Variants in KANK1 observed in about 807,000 individuals in gnomAD.
KANK1 encodes the protein KN motif and ankyrin repeat domains 1.
In KANK1, 109 loss-of-function variants were observed where a neutral mutation model predicts 106.2. The observed-to-expected ratio is 1.03, with a 90% CI of 0.88 to 1.20. KANK1 has a LOEUF of 1.20. Ranked by LOEUF, KANK1 falls within the 50% of genes most tolerant of loss-of-function variation. KANK1 has a pLI of 0.00. For synonymous variants in KANK1, 873 were observed against 652.2 expected (o/e 1.34, Z -5.16); for missense variants, 2,399 against 1,710.7 (o/e 1.40, Z -7.10).
At chr9:647,355 CTA>C (rs1563921520) in intron 1 of KANK1, among the ~76,000 whole-genome samples, 1 of 150,614 alleles carries the variant, frequency 6.6e-6, no homozygotes, top group Non-Finnish European at 1.5e-5. Flanking sequence ...TTATAAATGA[CTA>C]TACTGTGTTG....
intron 1 of KANK1, among the ~76,000 whole-genome samples, chr9:599,440 C>G (rs927390406): frequency 1.3e-5 from 2 of 151,782 alleles, no homozygotes; most frequent in East Asian, 1.9e-4. Context: ...GATATACATC[C>G]TTCTACATGT....
chr9:520,278 G>A (rs117912850), intron 1 of KANK1, among the ~76,000 whole-genome samples: 4,625 of 151,886 alleles, frequency 0.03, 115 homozygotes, highest in Middle Eastern at 0.048. Flanking sequence ...GGTTAAGGCT[G>A]TAGTGAGCTG....
At chr9:725,280 G>A (rs1460848832) in intron 3 of KANK1, among the ~76,000 whole-genome samples, 1 of 152,062 alleles carries the variant, frequency 6.6e-6, no homozygotes, top group Non-Finnish European at 1.5e-5. Flanking sequence ...ATCCCTTGAG[G>A]TCAGGAGTTT....
chr9:655,082 T>A (rs1398161877), intron 1 of KANK1, among the ~76,000 whole-genome samples: 1 of 152,002 alleles, frequency 6.6e-6, no homozygotes, highest in Non-Finnish European at 1.5e-5. Flanking sequence ...ATTCTAATAA[T>A]CATCCAGCCG....
intron 1 of KANK1, among the ~76,000 whole-genome samples, chr9:594,545 A>C (rs919206914): frequency 6.6e-6 from 1 of 151,932 alleles, no homozygotes; most frequent in African/African-American, 2.4e-5. Context: ...GCCCTGCCAG[A>C]GACTAAAGTG....
chr9:556,025 C>G (rs561873479), intron 1 of KANK1, among the ~76,000 whole-genome samples: 2 of 152,232 alleles, frequency 1.3e-5, no homozygotes, highest in African/African-American at 2.4e-5. Context: ...CTATAAAATA[C>G]TGCTGCAAAG....
intron 1 of KANK1, among the ~76,000 whole-genome samples, chr9:654,179 G>C (rs996782055): frequency 1.3e-5 from 2 of 152,176 alleles, no homozygotes; most frequent in Non-Finnish European, 2.9e-5. Context: ...CTTACCTGAA[G>C]AGTCTCTGAT....
chr9:526,017 T>A (rs1011239902), intron 1 of KANK1, among the ~76,000 whole-genome samples: 1 of 151,844 alleles, frequency 6.6e-6, no homozygotes, highest in Non-Finnish European at 1.5e-5. Context: ...TTACTTTTAA[T>A]TGAGTTGTGC....
chr9:689,981 A>G (rs1371995217), intron 2 of KANK1, among the ~76,000 whole-genome samples: 1 of 151,830 alleles, frequency 6.6e-6, no homozygotes, highest in Non-Finnish European at 1.5e-5. Context: ...TGCTGTTGTT[A>G]TTGTTGTTTA....
intron 1 of KANK1, among the ~76,000 whole-genome samples, chr9:524,089 C>T (rs1488689054): frequency 2.6e-5 from 4 of 151,702 alleles, no homozygotes; most frequent in African/African-American, 9.8e-5. Context: ...TATTTCAGTT[C>T]ACTGTTAGGA....
intron 1 of KANK1, among the ~76,000 whole-genome samples, chr9:537,356 C>G (rs1587614220): frequency 6.6e-6 from 1 of 152,242 alleles, no homozygotes; most frequent in East Asian, 1.9e-4. Flanking sequence ...AGCTGGTTAG[C>G]CTGTCAGGCC....
At chr9:693,779 CTGGG>C (rs1820551403) in intron 2 of KANK1, 1 of 985,282 alleles carries the variant, frequency 1.0e-6, no homozygotes, top group African/African-American at 1.7e-5. Context: ...TATTTTGTTT[CTGGG>C]TGGGTAAGTA....
intron 1 of KANK1, among the ~76,000 whole-genome samples, chr9:655,402 T>G (rs1432240985): frequency 1.4e-5 from 2 of 146,384 alleles, no homozygotes; most frequent in Non-Finnish European, 3.0e-5. Flanking sequence ...TCCAAGATTG[T>G]GAACCATTAC....
In KANK1 at chr9:581,467, G is replaced by A. The variant is rs115508841; in HGVS notation, c.-84+76713G>A. 4.9e-3 allele frequency among the ~76,000 whole-genome samples: 753 copies of A among 152,276 alleles called. 10 individuals are homozygous for A. The highest frequency in any genetic ancestry group is 0.017 in the African/African-American group (698 of 41,562). ...CCATTTTGATCCGTGATCCACTGAT[G>A]GAAGTCAATGATGTTGAACTAAGAA... is the stretch of plus-strand genomic sequence containing the variant. On this transcript the variant is annotated intron_variant, in intron 1 of 11. Transcript: ENST00000382297.
At chr9:595,730 C>T (rs1826050561) in intron 1 of KANK1, among the ~76,000 whole-genome samples, 1 of 151,664 alleles carries the variant, frequency 6.6e-6, no homozygotes, top group Admixed American at 6.6e-5. Context: ...CTTTGTTGCC[C>T]AGGTTGGTCT....
At chr9:548,943 A>C (rs2061102278) in intron 1 of KANK1, among the ~76,000 whole-genome samples, 2 of 152,156 alleles carry the variant, frequency 1.3e-5, no homozygotes, top group South Asian at 4.1e-4. Context: ...AGAGAGGGGG[A>C]CAATAAATGC....
chr9:686,202 G>C (rs968153321), intron 2 of KANK1, among the ~76,000 whole-genome samples: 1 of 152,174 alleles, frequency 6.6e-6, no homozygotes, highest in Non-Finnish European at 1.5e-5. Flanking sequence ...CCTCATGTAA[G>C]TCTGTCTACC....
chr9:530,778 C>T (rs2060020983), intron 1 of KANK1, among the ~76,000 whole-genome samples: 1 of 152,048 alleles, frequency 6.6e-6, no homozygotes, highest in African/African-American at 2.4e-5. Flanking sequence ...TGCTTGAGCC[C>T]AGGAGTTCAA....
At chr9:684,555 T>G (rs1818180484) in intron 2 of KANK1, 1 of 985,330 alleles carries the variant, frequency 1.0e-6, no homozygotes, top group East Asian at 1.1e-4. Flanking sequence ...GCTCTGCTCT[T>G]CCTCAGCAGA....
Sources: gnomAD v4.1 joint callset for allele counts (sites outside exome capture counted in the v4.1 genomes callset) on GRCh38, gnomAD v4.1.1 for gene constraint, MANE v1.5 for transcripts, NCBI Gene and HGNC (gene_info 2026-07-23, HGNC 2026-07-21) for gene names.